Variants in PPARGC1B observed in about 807,000 individuals in gnomAD.
The protein encoded by PPARGC1B is PPARG coactivator 1 beta, also known as peroxisome proliferator-activated receptor gamma coactivator 1-beta.
Under a neutral mutation model 101.6 loss-of-function variants are expected in PPARGC1B, and 34 were observed. The observed-to-expected ratio is 0.33, with a 90% CI of 0.25 to 0.45. The LOEUF (loss-of-function observed/expected upper bound fraction) is 0.45. Ranked by LOEUF, PPARGC1B falls within the 20% of genes least tolerant of loss-of-function variation. The probability of loss-of-function intolerance (pLI) is 1.00; values close to 1 mark genes in which losing one functional copy is unlikely to be tolerated. For missense variants in PPARGC1B, 1,234 were observed against 1,317.6 expected, an observed-to-expected ratio of 0.94 and a Z score of 0.98; for synonymous variants, 548 against 539.3, an observed-to-expected ratio of 1.02 and a Z score of -0.22.
intron 10 of PPARGC1B, among the ~76,000 whole-genome samples, chr5:149,843,054 G>A (rs867076325): frequency 1.3e-5 from 2 of 152,314 alleles, no homozygotes; most frequent in Non-Finnish European, 1.5e-5. Context: ...TGTATTCCCA[G>A]CTACTCAGGA....
At chr5:149,797,552 CTTTT>C (rs879757678) in intron 1 of PPARGC1B, among the ~76,000 whole-genome samples, 44 of 152,218 alleles carry the variant, frequency 2.9e-4, no homozygotes, top group African/African-American at 9.4e-4. Context: ...ATAACAGATT[CTTTT>C]TTTATTATTT....
intron 1 of PPARGC1B, among the ~76,000 whole-genome samples, chr5:149,812,710 G>C (rs1757910480): frequency 6.6e-6 from 1 of 152,246 alleles, no homozygotes; most frequent in South Asian, 2.1e-4. Context: ...AGCCTATTCA[G>C]AACAGAATCC....
rs147750117 is a variant in PPARGC1B at position 149,821,828 on chromosome 5, T to G, written c.252+1222T>G. Among the ~76,000 whole-genome samples, 318 of 152,342 alleles carry G rather than the reference T, an allele frequency of 2.1e-3. 1 individual carries two copies. The highest frequency in any genetic ancestry group is 7.1e-3 in the African/African-American group (296 of 41,586). ...AGGAAATAGAGAAGGGACTGTGGAC[T>G]GAGTGGTCGGGAAAGGCCTCTCTGA... is the stretch of plus-strand genomic sequence containing the variant. On this transcript the variant is annotated intron_variant, in intron 2 of 11. Transcript: ENST00000309241.
chr5:149,815,582 G>A (rs1321208379), intron 1 of PPARGC1B, among the ~76,000 whole-genome samples: 11 of 151,984 alleles, frequency 7.2e-5, no homozygotes, highest in Non-Finnish European at 4.4e-5. Flanking sequence ...TTATTTATTC[G>A]AGACTGAGTC....
chr5:149,745,552 T>A (rs1755055870), intron 1 of PPARGC1B, among the ~76,000 whole-genome samples: 1 of 152,158 alleles, frequency 6.6e-6, no homozygotes, highest in South Asian at 2.1e-4. Context: ...CTCCCCTCTC[T>A]CTTTCCTGCC....
In PPARGC1B at chr5:149,851,252, AG is replaced by A. The variant is rs1201275741; in HGVS notation, c.*3695del. The A allele has an allele frequency of 2.6e-5, 4 of 152,228 alleles. No individual in the cohort carries two copies. The highest frequency in any genetic ancestry group is 5.9e-5 in the Non-Finnish European group (4 of 68,086). 9.4% of individuals were successfully genotyped at this position (152,228 alleles called of 1,614,324 possible). Reference sequence around the variant, plus strand: ...AGAGTGATTTCTCCTAGACATGTGCAGTAGGCCCACTGGGGCTGCTGTGCAG... The same window carrying A: ...AGAGTGATTTCTCCTAGACATGTGCATAGGCCCACTGGGGCTGCTGTGCAG... On this transcript the variant is annotated 3_prime_UTR_variant, in exon 12 of 12. Coordinates refer to ENST00000309241, the MANE Select transcript of PPARGC1B (RefSeq NM_133263.4).
At chr5:149,759,855 G>C (rs749837752) in intron 1 of PPARGC1B, among the ~76,000 whole-genome samples, 18 of 152,242 alleles carry the variant, frequency 1.2e-4, no homozygotes, top group Non-Finnish European at 2.6e-4. Flanking sequence ...GAGGCTCAGA[G>C]AGGCAGTGCT....
chr5:149,772,718 G>A (rs374879568), intron 1 of PPARGC1B, among the ~76,000 whole-genome samples: 1 of 152,196 alleles, frequency 6.6e-6, no homozygotes, highest in East Asian at 1.9e-4. Context: ...TCTTTAAAGA[G>A]CCTGGCTCCA....
intron 1 of PPARGC1B, among the ~76,000 whole-genome samples, chr5:149,764,325 A>G (rs1700097378): frequency 6.6e-6 from 1 of 152,076 alleles, no homozygotes; most frequent in Non-Finnish European, 1.5e-5. Context: ...GACCAGAGGG[A>G]CCTCAGCCCG....
chr5:149,773,990 G>GA (rs1220889935), intron 1 of PPARGC1B, among the ~76,000 whole-genome samples: 1 of 152,244 alleles, frequency 6.6e-6, no homozygotes, highest in Non-Finnish European at 1.5e-5. Flanking sequence ...CTGCCAGTCA[G>GA]AAAGCAGGTG....
chr5:149,765,616 T>A (rs1320113649), intron 1 of PPARGC1B, among the ~76,000 whole-genome samples: 1 of 152,014 alleles, frequency 6.6e-6, no homozygotes, highest in Non-Finnish European at 1.5e-5. Context: ...ACCAGCACTT[T>A]GGGAGGCCGA....
intron 1 of PPARGC1B, among the ~76,000 whole-genome samples, chr5:149,754,048 A>G (rs1755417843): frequency 6.6e-6 from 1 of 152,176 alleles, no homozygotes; most frequent in Non-Finnish European, 1.5e-5. Flanking sequence ...CCGTGAAATT[A>G]TATCAGTTTA....
At chr5:149,739,206 C>T (rs568699021) in intron 1 of PPARGC1B, among the ~76,000 whole-genome samples, 3 of 152,196 alleles carry the variant, frequency 2.0e-5, no homozygotes, top group Admixed American at 6.5e-5. Context: ...ACCCAGCGTC[C>T]ACTGTTAAAG....
intron 1 of PPARGC1B, among the ~76,000 whole-genome samples, chr5:149,788,865 G>T (rs1181053835): frequency 6.6e-6 from 1 of 152,152 alleles, no homozygotes; most frequent in African/African-American, 2.4e-5. Context: ...TCATAGGTGG[G>T]AATTGAACAA....
intron 1 of PPARGC1B, chr5:149,771,904 A>T (rs1456633891): frequency 2.3e-5 from 20 of 853,558 alleles, no homozygotes; most frequent in African/African-American, 3.5e-5. Flanking sequence ...AAGTGATGTC[A>T]CTGAACGTTG....
At chr5:149,800,299 G>C (rs552486480) in intron 1 of PPARGC1B, among the ~76,000 whole-genome samples, 3 of 152,198 alleles carry the variant, frequency 2.0e-5, no homozygotes, top group Non-Finnish European at 2.9e-5. Context: ...AGCAGTGCAC[G>C]AGGGGAGGGA....
chr5:149,749,805 ACTCATTATCTTTCTAAACGTGAG>A (rs1382373035), intron 1 of PPARGC1B, among the ~76,000 whole-genome samples: 2 of 151,968 alleles, frequency 1.3e-5, no homozygotes, highest in African/African-American at 4.8e-5. Flanking sequence ...CCATCCTGTG[ACTCATTATCTTTCTAAACGTGAG>A]CTGTTTTAAA....
chr5:149,841,417 C>T (rs976282397), intron 9 of PPARGC1B, among the ~76,000 whole-genome samples: 3 of 152,160 alleles, frequency 2.0e-5, no homozygotes, highest in Admixed American at 6.5e-5. Flanking sequence ...TGACTGTTGA[C>T]GACGGAGTCC....
rs1561643349 is a variant in PPARGC1B at position 149,847,798 on chromosome 5, C to T, written c.*240C>T. 1.9e-6 allele frequency: 1 copy of T among 516,630 alleles called. No individual in the cohort carries two copies. The highest frequency in any genetic ancestry group is 3.5e-6 in the Non-Finnish European group (1 of 289,506). 32.0% of individuals were successfully genotyped at this position (516,630 alleles called of 1,614,324 possible). The stretch of plus-strand genomic sequence containing the variant: ...CGTTCCACTGCCACATTAGTGTCCT[C>T]GCTTCCAACGGGTTGTCCCGGGTGC... On this transcript the variant is annotated 3_prime_UTR_variant, in exon 12 of 12. Transcript: ENST00000309241.
Sources: allele counts gnomAD v4.1 joint callset (sites outside exome capture counted in the v4.1 genomes callset), GRCh38; gene constraint gnomAD v4.1.1; transcripts MANE v1.5; gene names NCBI Gene and HGNC (gene_info 2026-07-23, HGNC 2026-07-21).